Variants in GRIP1 observed in about 807,000 individuals in gnomAD.
The protein encoded by GRIP1 is glutamate receptor interacting protein 1.
Under a neutral mutation model 129.9 loss-of-function variants are expected in GRIP1, and 45 were observed. The ratio of observed to expected loss-of-function variants is 0.35; its 90% CI spans 0.27 to 0.44. The LOEUF is 0.44. Among genes scored for constraint, GRIP1 ranks in the 20% least tolerant of loss-of-function variants. The probability of loss-of-function intolerance (pLI) is 1.00; values close to 1 mark genes in which losing one functional copy is unlikely to be tolerated. For missense variants in GRIP1, 1,196 were observed against 1,396.8 expected (o/e 0.86, Z 2.29); for synonymous variants, 530 against 520.8 (o/e 1.02, Z -0.24).
intron 1 of GRIP1, among the ~76,000 whole-genome samples, chr12:66,731,569 G>A (rs1159114834): frequency 6.6e-6 from 1 of 152,108 alleles, no homozygotes; most frequent in Non-Finnish European, 1.5e-5. Flanking sequence ...GTGGGAAAAT[G>A]ACTACTTGTT....
At chr12:66,521,787 C>T (rs779145115) in intron 5 of GRIP1, among the ~76,000 whole-genome samples, 25 of 152,202 alleles carry the variant, frequency 1.6e-4, no homozygotes, top group Non-Finnish European at 2.5e-4. Context: ...CCTGGAAAAT[C>T]GGGTCACTCC....
intron 4 of GRIP1, among the ~76,000 whole-genome samples, chr12:66,534,290 C>T (rs531336250): frequency 1.9e-4 from 29 of 152,270 alleles, no homozygotes; most frequent in African/African-American, 5.8e-4. Flanking sequence ...GACCAAGTCA[C>T]GATAGGTTTT....
intron 1 of GRIP1, among the ~76,000 whole-genome samples, chr12:67,041,777 A>G (rs1226602899): frequency 6.6e-6 from 1 of 152,080 alleles, no homozygotes; most frequent in Admixed American, 6.6e-5. Context: ...GGACAAAAAA[A>G]AAAACAACCC....
intron 1 of GRIP1, among the ~76,000 whole-genome samples, chr12:66,644,006 G>A (rs939889171): frequency 6.6e-6 from 1 of 152,142 alleles, no homozygotes; most frequent in Non-Finnish European, 1.5e-5. Flanking sequence ...TGGCTGGGGA[G>A]GCCTTAGAAT....
intron 13 of GRIP1, among the ~76,000 whole-genome samples, chr12:66,437,548 CA>C (rs2058347351): frequency 6.6e-6 from 1 of 152,182 alleles, no homozygotes; most frequent in Non-Finnish European, 1.5e-5. Context: ...TGTCCCTTAT[CA>C]AGTAAGCTGG....
intron 1 of GRIP1, among the ~76,000 whole-genome samples, chr12:66,876,716 G>A (rs562720679): frequency 6.6e-6 from 1 of 152,134 alleles, no homozygotes; most frequent in South Asian, 2.1e-4. Flanking sequence ...CAACCACCAG[G>A]GAGCAATGTG....
chr12:66,883,862 T>C (rs1371536260), intron 1 of GRIP1, among the ~76,000 whole-genome samples: 4 of 152,206 alleles, frequency 2.6e-5, no homozygotes, highest in African/African-American at 4.8e-5. Context: ...ATTTCTGTTT[T>C]TACATCTGCA....
intron 1 of GRIP1, among the ~76,000 whole-genome samples, chr12:66,618,102 T>C (rs1383804105): frequency 6.6e-6 from 1 of 152,104 alleles, no homozygotes; most frequent in East Asian, 1.9e-4. Flanking sequence ...TTGAAATAGC[T>C]CAAAACTTCA....
chr12:66,423,607 A>G (rs1452354628), intron 14 of GRIP1, among the ~76,000 whole-genome samples: 4 of 152,226 alleles, frequency 2.6e-5, no homozygotes, highest in Admixed American at 2.0e-4. Context: ...GTTTTTGAAC[A>G]CCAACTATGA....
chr12:66,548,887 C>A (rs2062033226), intron 2 of GRIP1, among the ~76,000 whole-genome samples: 1 of 152,102 alleles, frequency 6.6e-6, no homozygotes, highest in Non-Finnish European at 1.5e-5. Flanking sequence ...TACTTTTCAT[C>A]ACACCTCAAA....
At chr12:66,460,556 C>T (rs1292405278) in intron 9 of GRIP1, among the ~76,000 whole-genome samples, 2 of 152,178 alleles carry the variant, frequency 1.3e-5, no homozygotes, top group Non-Finnish European at 2.9e-5. Flanking sequence ...AATTTCTAAC[C>T]TCACTGAAAA....
intron 1 of GRIP1, among the ~76,000 whole-genome samples, chr12:66,986,017 T>C (rs1222742186): frequency 6.6e-6 from 1 of 152,196 alleles, no homozygotes; most frequent in Non-Finnish European, 1.5e-5. Context: ...TATGCTGTTC[T>C]CCAGCCTAGA....
chr12:66,450,424 T>A (rs1206352864), intron 11 of GRIP1, among the ~76,000 whole-genome samples: 1 of 151,234 alleles, frequency 6.6e-6, no homozygotes, highest in Non-Finnish European at 1.5e-5. Flanking sequence ...AGACTTGCTA[T>A]GTTTTTTTAA....
chr12:66,408,796 A>T (rs2057288031), intron 15 of GRIP1, among the ~76,000 whole-genome samples: 1 of 152,206 alleles, frequency 6.6e-6, no homozygotes, highest in African/African-American at 2.4e-5. Flanking sequence ...AGGGGAGCCC[A>T]TCGCCTTGAA....
rs532234152 is a variant in GRIP1 at position 66,637,929 on chromosome 12, A to G, written c.55+40921T>C. Among the ~76,000 whole-genome samples, 5 of 152,334 alleles carry G rather than the reference A, an allele frequency of 3.3e-5. No individual in the cohort carries two copies. In the South Asian group the frequency reaches 8.3e-4, roughly 25 times the overall value. On this transcript the variant is annotated intron_variant, in intron 1 of 24. Coordinates refer to ENST00000359742, the MANE Select transcript of GRIP1 (RefSeq NM_001366722.1). ...CTGCCTGAAAGAGTCAGCTACATAA[A>G]TCACAATTTTACTGGAAGTGCTACA...
At chr12:66,386,239 T>C (rs1435235538) in intron 19 of GRIP1, among the ~76,000 whole-genome samples, 1 of 152,234 alleles carries the variant, frequency 6.6e-6, no homozygotes, top group Non-Finnish European at 1.5e-5. Context: ...TATTTGGTTT[T>C]CTGTACTAAT....
intron 2 of GRIP1, among the ~76,000 whole-genome samples, chr12:66,595,875 G>A (rs12366879): frequency 0.073 from 11,157 of 152,168 alleles, 490 homozygotes; most frequent in East Asian, 0.12. Flanking sequence ...TAATCATGAA[G>A]AGAGTTACTC....
intron 7 of GRIP1, among the ~76,000 whole-genome samples, chr12:66,499,335 T>C (rs2060323680): frequency 6.6e-6 from 1 of 152,208 alleles, no homozygotes; most frequent in East Asian, 1.9e-4. Flanking sequence ...GGATAAAATA[T>C]GATGAAGATT....
intron 15 of GRIP1, among the ~76,000 whole-genome samples, chr12:66,408,705 G>A (rs1054975477): frequency 3.3e-5 from 5 of 152,090 alleles, no homozygotes; most frequent in African/African-American, 1.2e-4. Context: ...TGCAACAGTA[G>A]GGTAGAGTAC....
Sources: gnomAD v4.1 joint callset for allele counts (sites outside exome capture counted in the v4.1 genomes callset) on GRCh38, gnomAD v4.1.1 for gene constraint, MANE v1.5 for transcripts, NCBI Gene and HGNC (gene_info 2026-07-23, HGNC 2026-07-21) for gene names.